The following INSL6 variants were observed in gnomAD, a reference collection of about 807,000 sequenced individuals.
INSL6 encodes insulin-like peptide INSL6.
A neutral mutation model predicts 9.4 loss-of-function variants in INSL6; 16 were observed. The ratio of observed to expected loss-of-function variants is 1.70; its 90% CI spans 1.15 to 2.59. The LOEUF is 2.59. INSL6 is among the 30% of genes most tolerant of loss of function. The pLI is 0.00. For synonymous variants in INSL6, 154 were observed against 96.9 expected (o/e 1.59, Z -3.46); for missense variants, 391 against 257.3 (o/e 1.52, Z -3.56).
At chr9:5,002,540 G>C in the INSL6 span, among the ~76,000 whole-genome samples, 1 of 151,912 alleles carries the variant, frequency 6.6e-6, no homozygotes, top group East Asian at 1.9e-4. Flanking sequence ...ATTGGTTTAT[G>C]GACCAACCTA....
the INSL6 span, among the ~76,000 whole-genome samples, chr9:5,116,165 A>G: frequency 1.3e-5 from 2 of 152,310 alleles, no homozygotes; most frequent in African/African-American, 4.8e-5. Context: ...GAGAACATGT[A>G]TGATTATTAT....
intron 1 of INSL6, among the ~76,000 whole-genome samples, chr9:5,164,636 C>G (rs1825008040): frequency 6.6e-6 from 1 of 152,212 alleles, no homozygotes; most frequent in Admixed American, 6.5e-5. Context: ...GCAGTCATTT[C>G]CATTTCCCTC....
At chr9:5,072,468 TTC>T in the INSL6 span, 1 of 1,498,878 alleles carries the variant, frequency 6.7e-7, no homozygotes, top group Non-Finnish European at 8.9e-7. Context: ...ACTCATTCTT[TTC>T]TTTTACCTTT....
downstream of INSL6, among the ~76,000 whole-genome samples, chr9:5,120,493 C>T (rs970290158): frequency 6.6e-6 from 1 of 152,108 alleles, no homozygotes; most frequent in Non-Finnish European, 1.5e-5. Flanking sequence ...TTCGAAAAGG[C>T]TCTTTTGTTT....
the INSL6 span, chr9:5,041,590 A>T: frequency 2.0e-6 from 1 of 500,448 alleles, no homozygotes; most frequent in Non-Finnish European, 4.0e-6. Context: ...CGGCGCCTGG[A>T]CTTTGAGAAG....
the INSL6 span, chr9:5,072,709 C>A: frequency 9.6e-7 from 1 of 1,046,468 alleles, no homozygotes; most frequent in Non-Finnish European, 1.3e-6. Context: ...CTCATGTGTG[C>A]AGCTTTTCAA....
chr9:5,110,839 G>A, the INSL6 span: 1 of 462,948 alleles, frequency 2.2e-6, no homozygotes, highest in Non-Finnish European at 4.2e-6. Context: ...GTTCGGGGAA[G>A]GTGGGGGGGA....
At chr9:5,107,559 T>A in the INSL6 span, among the ~76,000 whole-genome samples, 1 of 152,160 alleles carries the variant, frequency 6.6e-6, no homozygotes, top group Non-Finnish European at 1.5e-5. Context: ...AAGGGTTAGA[T>A]TGAATTGAAT....
chr9:5,111,138 C>T, the INSL6 span: 8 of 993,590 alleles, frequency 8.1e-6, no homozygotes, highest in Admixed American at 1.4e-4. Context: ...GGACGTTCAG[C>T]GAAGGCGCTC....
At chr9:5,085,598 C>A in the INSL6 span, 1 of 696,596 alleles carries the variant, frequency 1.4e-6, no homozygotes, top group Non-Finnish European at 2.7e-6. Flanking sequence ...ATAGATACTA[C>A]AGAAAGAATT....
At chr9:5,111,920 C>G in the INSL6 span, 1 of 352,272 alleles carries the variant, frequency 2.8e-6, no homozygotes, top group Non-Finnish European at 5.6e-6. Context: ...TGGCCTCAAT[C>G]TACTCTCCGG....
At chr9:5,140,959 G>A (rs1032964009) in intron 2 of INSL6, among the ~76,000 whole-genome samples, 1 of 152,016 alleles carries the variant, frequency 6.6e-6, no homozygotes, top group African/African-American at 2.4e-5. Flanking sequence ...AGAACATGCG[G>A]TATATGGTTT....
intron 2 of INSL6, among the ~76,000 whole-genome samples, chr9:5,141,633 C>T (rs369726507): frequency 5.0e-4 from 76 of 152,178 alleles, no homozygotes; most frequent in African/African-American, 1.8e-3. Flanking sequence ...TTGTCAGATG[C>T]ATAGTTTGCA....
chr9:5,035,356 A>T, the INSL6 span, among the ~76,000 whole-genome samples: 3 of 152,260 alleles, frequency 2.0e-5, no homozygotes, highest in Non-Finnish European at 4.4e-5. Context: ...CAATAGAATA[A>T]GAGGGAATCC....
At chr9:5,054,339 C>T in the INSL6 span, among the ~76,000 whole-genome samples, 3 of 151,992 alleles carry the variant, frequency 2.0e-5, no homozygotes, top group East Asian at 3.8e-4. The surrounding 1 kb of genome is among the most constrained non-coding windows in gnomAD (Gnocchi z 4.9). Context: ...CTTTTGTAAA[C>T]ATTGATGATA....
intron 3 of INSL6, chr9:5,127,634 A>T (rs1421087832): frequency 1.7e-5 from 4 of 231,990 alleles, no homozygotes; most frequent in African/African-American, 4.4e-5. Flanking sequence ...TGAGATTAAG[A>T]ATGCCAGGAA....
the INSL6 span, among the ~76,000 whole-genome samples, chr9:5,106,255 C>A: frequency 1.3e-5 from 2 of 152,214 alleles, no homozygotes; most frequent in Non-Finnish European, 2.9e-5. Context: ...ACAGACACTT[C>A]TCAAAAGAAG....
intron 2 of INSL6, among the ~76,000 whole-genome samples, chr9:5,134,688 G>C (rs1824358277): frequency 1.3e-5 from 2 of 152,160 alleles, no homozygotes; most frequent in African/African-American, 4.8e-5. Context: ...CCTGAAGGAA[G>C]CACTAAACAT....
At chr9:5,161,785 T>C (rs114687564), downstream of INSL6, among the ~76,000 whole-genome samples, 691 of 152,214 alleles carry the variant, frequency 4.5e-3, 7 homozygotes, top group African/African-American at 0.016. Context: ...CACTTCTATG[T>C]GCCAAGAGCA....
Sources: gnomAD v4.1 joint callset for allele counts (sites outside exome capture counted in the v4.1 genomes callset) on GRCh38, gnomAD v4.1.1 for gene constraint, Gnocchi (gnomAD v3.1) non-coding constraint, MANE v1.5 for transcripts, NCBI Gene and HGNC (gene_info 2026-07-23, HGNC 2026-07-21) for gene names.